NCKAP1: variants seen among roughly 807,000 people sequenced by gnomAD.
NCKAP1 encodes the protein nck-associated protein 1.
A neutral mutation model predicts 151.2 loss-of-function variants in NCKAP1; 21 were observed. The ratio of observed to expected loss-of-function variants is 0.14; its 90% CI spans 0.10 to 0.20. The LOEUF (loss-of-function observed/expected upper bound fraction) is 0.20, where lower values mean the gene tolerates loss of function less well. Among genes scored for constraint, NCKAP1 ranks in the 10% least tolerant of loss-of-function variants. The pLI is 1.00. For missense variants in NCKAP1, 933 were observed against 1,352.1 expected (o/e 0.69, Z 4.86); for synonymous variants, 484 against 451.8 (o/e 1.07, Z -0.90).
intron 18 of NCKAP1, among the ~76,000 whole-genome samples, chr2:182,958,385 C>T (rs1697367998): frequency 6.6e-6 from 1 of 152,120 alleles, no homozygotes; most frequent in Admixed American, 6.6e-5. Context: ...CTCAGGAGAT[C>T]CACCTGCCTC....
At chr2:182,936,100 T>TA (rs995279370) in intron 24 of NCKAP1, among the ~76,000 whole-genome samples, 29 of 150,496 alleles carry the variant, frequency 1.9e-4, no homozygotes, top group Admixed American at 3.3e-4. Context: ...CTACAAAAAA[T>TA]AAAAAAAAAT....
chr2:182,989,273 A>T, intron 8 of NCKAP1, 87 bp from the exon 9 acceptor site: 1 of 1,006,570 alleles, frequency 9.9e-7, no homozygotes, highest in Admixed American at 2.8e-5. Flanking sequence ...AAATACAGAA[A>T]CGTAACCACG....
At chr2:182,989,934 G>A (rs919123344) in intron 8 of NCKAP1, among the ~76,000 whole-genome samples, 2 of 151,818 alleles carry the variant, frequency 1.3e-5, no homozygotes, top group African/African-American at 4.8e-5. Flanking sequence ...AAGTTGCAGT[G>A]AGCCGAGATC....
In NCKAP1 at chr2:183,037,952, C is replaced by T. The variant is rs371904687; in HGVS notation, c.108+40G>A. 9 of 1,512,374 alleles carry T rather than the reference C, an allele frequency of 6.0e-6. No homozygotes were observed. The African/African-American group carries it at 7.1e-5, about 12-fold the overall frequency. 93.7% of individuals were successfully genotyped at this position (1,512,374 alleles called of 1,614,324 possible). ...TCCCTTGCCCTTCATCCCTCCCGGG[C>T]CCGCCCGCCTCCGCCGCGGCCTCCC... On this transcript the variant is annotated intron_variant, in intron 1 of 30. Transcript: ENST00000361354.
intron 30 of NCKAP1, 147 bp from the exon 31 acceptor site, chr2:182,925,965 T>G (rs1437381664): frequency 7.2e-6 from 3 of 419,312 alleles, no homozygotes; most frequent in African/African-American, 6.2e-5. Flanking sequence ...ACACATATTA[T>G]TTTCCTTTTA....
rs1696524831 is a variant in NCKAP1, at chr2:182,919,948, G to A, written c.*5754C>T. Reference sequence around the variant, plus strand: ...ATCACAGGAGTGAGCCACCGCGTCTGGCCTTAATTATTATCGAGACCGGCT... The same window carrying A: ...ATCACAGGAGTGAGCCACCGCGTCTAGCCTTAATTATTATCGAGACCGGCT... On this transcript the variant is annotated 3_prime_UTR_variant, in exon 31 of 31. Transcript: ENST00000361354. The A allele has an allele frequency of 6.6e-6, 1 of 152,254 alleles. No homozygotes were observed. Among genetic ancestry groups the A allele is most frequent in the Non-Finnish European group, 1.5e-5 (1 of 68,148 alleles). 9.4% of individuals were successfully genotyped at this position (152,254 alleles called of 1,614,324 possible). A position where few individuals can be genotyped will look rare whatever the true frequency, so the allele number is the denominator to read the frequency against.
intron 2 of NCKAP1, among the ~76,000 whole-genome samples, chr2:183,008,921 T>G (rs992143213): frequency 6.6e-6 from 1 of 152,228 alleles, no homozygotes; most frequent in African/African-American, 2.4e-5. Context: ...CTAAAAATTC[T>G]AATTAACACA....
intron 17 of NCKAP1, 51 bp from the exon 18 acceptor site, chr2:182,962,329 G>A: frequency 6.8e-7 from 1 of 1,469,740 alleles, no homozygotes; most frequent in African/African-American, 1.4e-5. Flanking sequence ...AAAGTACGTT[G>A]AATTAAAAAG....
At chr2:182,965,143 C>T (rs540657717) in intron 16 of NCKAP1, among the ~76,000 whole-genome samples, 334 of 151,998 alleles carry the variant, frequency 2.2e-3, no homozygotes, top group African/African-American at 7.4e-3. Flanking sequence ...ATAATCTCAG[C>T]ACTTTGGGAG....
chr2:182,928,225 C>T lies in NCKAP1; in HGVS notation c.3072G>A (p.Gly1024=). The change falls in exon 29 of 31, where the codon GGG becomes GGA. Residue 1024 remains glycine, a splice_region_variant and synonymous_variant. Coordinates refer to ENST00000361354, the MANE Select transcript of NCKAP1 (RefSeq NM_013436.5). ...CCAAGCAATGTATGTTGTTGCAATG[C>T]CCTGAGAAAATGCAAATAGGGTTGT... The part of the protein sequence containing the change: ...VMSQYSPAIE[G]HCNNIHCLAK... 6.2e-7 allele frequency: 1 copy of T among 1,605,006 alleles called. No individual in the cohort carries two copies.
chr2:183,020,378 T>C (rs1422917908), intron 2 of NCKAP1, among the ~76,000 whole-genome samples: 2 of 150,148 alleles, frequency 1.3e-5, no homozygotes, highest in Non-Finnish European at 2.9e-5. Flanking sequence ...GGCAGAAGGA[T>C]TGATTGAGAC....
intron 18 of NCKAP1, among the ~76,000 whole-genome samples, chr2:182,959,191 T>TA (rs1408755101): frequency 8.5e-5 from 13 of 152,272 alleles, no homozygotes; most frequent in African/African-American, 3.1e-4. Context: ...CATAAGAAAT[T>TA]ACATTGCATT....
chr2:182,983,138 GA>G, intron 11 of NCKAP1, 147 bp downstream of exon 11: 1 of 703,712 alleles, frequency 1.4e-6, no homozygotes, highest in Non-Finnish European at 2.4e-6. Context: ...TACGATGTAT[GA>G]ATGTCAAGTC....
intron 23 of NCKAP1, among the ~76,000 whole-genome samples, chr2:182,943,111 A>G (rs1697030633): frequency 1.3e-5 from 2 of 152,122 alleles, no homozygotes; most frequent in Non-Finnish European, 2.9e-5. Context: ...TTTGTTCTCT[A>G]TAATGGTTCT....
chr2:183,030,568 G>A (rs1484959777), intron 1 of NCKAP1, among the ~76,000 whole-genome samples: 2 of 152,166 alleles, frequency 1.3e-5, no homozygotes, highest in Non-Finnish European at 2.9e-5. Context: ...TGTCAAGGAT[G>A]AGGAGAAAAA....
At chr2:182,942,277 G>A (rs1034301638) in intron 23 of NCKAP1, 114 bp from the exon 24 acceptor site, 2 of 701,566 alleles carry the variant, frequency 2.9e-6, no homozygotes, top group Non-Finnish European at 4.9e-6. Flanking sequence ...ATGAAATCCA[G>A]ACGCTCTATG....
chr2:182,932,616 C>T (rs920037004), intron 26 of NCKAP1, among the ~76,000 whole-genome samples: 4 of 151,072 alleles, frequency 2.6e-5, no homozygotes, highest in African/African-American at 7.3e-5. Flanking sequence ...CTGATAGGTG[C>T]GTTATAACTC....
chr2:182,949,819 C>T (rs1307287381), intron 23 of NCKAP1, among the ~76,000 whole-genome samples: 1 of 152,138 alleles, frequency 6.6e-6, no homozygotes, highest in Non-Finnish European at 1.5e-5. Flanking sequence ...ACAAAGCTAG[C>T]TATTTTTATT....
chr2:183,037,955 GCCCGCCTCCGCCGCGGCCTC>G lies in NCKAP1; in HGVS notation c.108+17_108+36del. 6.6e-7 allele frequency: 1 copy of G among 1,515,254 alleles called. No homozygotes were observed. The highest frequency in any genetic ancestry group is 1.2e-5 in the South Asian group (1 of 84,312). The allele number at this position is 1,515,254 out of a possible 1,614,324, so 93.9% of individuals were successfully genotyped here. A position where few individuals can be genotyped will look rare whatever the true frequency, so the allele number is the denominator to read the frequency against. Reference sequence around the variant, plus strand: ...CTTGCCCTTCATCCCTCCCGGGCCCGCCCGCCTCCGCCGCGGCCTCCCCGGCCCGTGCGCACCTTCTTGAT... The same window carrying G: ...CTTGCCCTTCATCCCTCCCGGGCCCGCCCGGCCCGTGCGCACCTTCTTGAT... On this transcript the variant is annotated intron_variant, in intron 1 of 30. Coordinates refer to ENST00000361354, the MANE Select transcript of NCKAP1 (RefSeq NM_013436.5).
Sources: gnomAD v4.1 joint callset for allele counts (sites outside exome capture counted in the v4.1 genomes callset) on GRCh38, gnomAD v4.1.1 for gene constraint, MANE v1.5 for transcripts, NCBI Gene and HGNC (gene_info 2026-07-23, HGNC 2026-07-21) for gene names.